The following GSK3B variants were observed in gnomAD, a reference collection of about 807,000 sequenced individuals.
GSK3B encodes glycogen synthase kinase 3 beta, also known as glycogen synthase kinase-3 beta.
A neutral mutation model predicts 56.4 loss-of-function variants in GSK3B; 15 were observed. That is an observed-to-expected ratio of 0.27 (90% CI 0.18 to 0.41). The LOEUF is 0.41. Ranked by LOEUF, GSK3B falls within the 10% of genes least tolerant of loss-of-function variation. The pLI, the probability that GSK3B is intolerant of heterozygous loss-of-function variation, is 1.00. For missense variants in GSK3B, 300 were observed against 513.4 expected (o/e 0.58, Z 4.02); for synonymous variants, 181 against 188.9 (o/e 0.96, Z 0.34).
intron 1 of GSK3B, among the ~76,000 whole-genome samples, chr3:120,021,686 A>AC (rs2057879740): frequency 6.6e-6 from 1 of 152,184 alleles, no homozygotes; most frequent in Non-Finnish European, 1.5e-5. Context: ...TGAAGATGTG[A>AC]CTGAACTGCT....
At chr3:119,961,039 C>T (rs2057266797) in intron 2 of GSK3B, among the ~76,000 whole-genome samples, 1 of 152,070 alleles carries the variant, frequency 6.6e-6, no homozygotes, top group South Asian at 2.1e-4. Flanking sequence ...AGTGTCACTA[C>T]CAGTCAGAAA....
intron 1 of GSK3B, among the ~76,000 whole-genome samples, chr3:120,092,695 T>C (rs990912532): frequency 6.6e-6 from 1 of 152,216 alleles, no homozygotes; most frequent in South Asian, 2.1e-4. Context: ...TGAACACAAA[T>C]GCATACAGAG....
At chr3:119,930,331 A>G (rs896987131) in intron 3 of GSK3B, among the ~76,000 whole-genome samples, 7 of 152,168 alleles carry the variant, frequency 4.6e-5, no homozygotes, top group African/African-American at 1.7e-4. Flanking sequence ...GTGTGAAGCC[A>G]AATTGTGTAA....
intron 1 of GSK3B, among the ~76,000 whole-genome samples, chr3:120,022,880 G>A (rs2057891376): frequency 6.6e-6 from 1 of 152,222 alleles, no homozygotes; most frequent in Non-Finnish European, 1.5e-5. Flanking sequence ...CCTCTTATTG[G>A]TGGGTCATGG....
intron 1 of GSK3B, among the ~76,000 whole-genome samples, chr3:120,066,476 C>T (rs1162576953): frequency 2.0e-5 from 3 of 152,094 alleles, no homozygotes; most frequent in South Asian, 2.1e-4. Context: ...ATACTCAAAA[C>T]TGGGGGTTCA....
intron 1 of GSK3B, among the ~76,000 whole-genome samples, chr3:120,020,989 A>G (rs1476828312): frequency 1.3e-5 from 2 of 152,192 alleles, no homozygotes; most frequent in Non-Finnish European, 1.5e-5. Flanking sequence ...CCTAAACCAG[A>G]GCAAGGCCGG....
chr3:120,076,887 C>T lies in GSK3B; in HGVS notation c.88+16460G>A, dbSNP rs990161306. Among the ~76,000 whole-genome samples the T allele has an allele frequency of 2.8e-5, 4 of 144,790 alleles. No homozygotes were observed. The East Asian group carries it at 8.0e-4, about 29-fold the overall frequency. 95.0% of individuals were successfully genotyped at this position (144,790 alleles called of 152,430 possible). A position where few individuals can be genotyped will look rare whatever the true frequency, so the allele number is the denominator to read the frequency against. ...ATTTCCCTAAAGGTGACCTAAAAAA[C>T]GGCCAACAGGTATATGAAAAGGTGC... On this transcript the variant is annotated intron_variant, in intron 1 of 10. Coordinates refer to ENST00000264235, the MANE Select transcript of GSK3B (RefSeq NM_001146156.2).
chr3:120,007,796 C>T (rs553108821), intron 1 of GSK3B, among the ~76,000 whole-genome samples: 54 of 152,290 alleles, frequency 3.5e-4, no homozygotes, highest in Middle Eastern at 6.8e-3. Context: ...TTATGACAAA[C>T]CAACAGCCAA....
chr3:120,087,915 CAG>C (rs1376395095), intron 1 of GSK3B, among the ~76,000 whole-genome samples: 2 of 151,522 alleles, frequency 1.3e-5, no homozygotes, highest in Non-Finnish European at 1.5e-5. Context: ...TTTTTTGAGA[CAG>C]AGTCTCTCTC....
intron 1 of GSK3B, among the ~76,000 whole-genome samples, chr3:120,092,308 T>C (rs574093484): frequency 6.6e-6 from 1 of 152,252 alleles, no homozygotes; most frequent in Admixed American, 6.5e-5. Flanking sequence ...AATATCCCTA[T>C]TATTTCTAGG....
At chr3:119,913,437 T>A (rs1339859679) in intron 5 of GSK3B, among the ~76,000 whole-genome samples, 1 of 152,076 alleles carries the variant, frequency 6.6e-6, no homozygotes, top group African/African-American at 2.4e-5. Context: ...TATAATTGCA[T>A]GTTTTCTTAT....
chr3:119,989,703 C>A (rs2057546635), intron 2 of GSK3B, among the ~76,000 whole-genome samples: 1 of 151,892 alleles, frequency 6.6e-6, no homozygotes, highest in South Asian at 2.1e-4. Flanking sequence ...CAAACAGATT[C>A]TTGGTTTGGA....
chr3:119,920,505 A>C (rs1408119558), intron 4 of GSK3B, among the ~76,000 whole-genome samples: 1 of 152,166 alleles, frequency 6.6e-6, no homozygotes, highest in Non-Finnish European at 1.5e-5. Flanking sequence ...CAGCCTCCCA[A>C]AATGCTGGAT....
chr3:120,086,562 C>G (rs1384097568), intron 1 of GSK3B, among the ~76,000 whole-genome samples: 2 of 152,112 alleles, frequency 1.3e-5, no homozygotes, highest in Non-Finnish European at 1.5e-5. Context: ...CTGTGGGAGG[C>G]TGAGGCAGGA....
At chr3:119,921,467 G>A (rs1343419564) in intron 4 of GSK3B, among the ~76,000 whole-genome samples, 1 of 152,092 alleles carries the variant, frequency 6.6e-6, no homozygotes, top group African/African-American at 2.4e-5. Flanking sequence ...CAAATGAAGT[G>A]GTCCTGACTC....
chr3:119,879,258 G>A (rs1009574841), intron 7 of GSK3B, among the ~76,000 whole-genome samples: 5 of 152,124 alleles, frequency 3.3e-5, no homozygotes, highest in Non-Finnish European at 7.4e-5. Context: ...TCAGCTCACT[G>A]CAAGCTCCGG....
At chr3:119,828,610 G>A (rs1030469342) in intron 10 of GSK3B, among the ~76,000 whole-genome samples, 1 of 152,202 alleles carries the variant, frequency 6.6e-6, no homozygotes, top group Non-Finnish European at 1.5e-5. Flanking sequence ...TGAATGCAAC[G>A]TTTGGTCCTG....
chr3:120,093,514 C>A lies in GSK3B; in HGVS notation c.-80G>T, dbSNP rs149781877. On this transcript the variant is annotated 5_prime_UTR_variant, in exon 1 of 11. Coordinates refer to ENST00000264235, the MANE Select transcript of GSK3B (RefSeq NM_001146156.2). ...TCTTTATGTTGGGGTGTTAGGTTAACGATAAATGCAGCATTAAGTTCTCCC... is the reference window on the plus strand; with the variant it reads ...TCTTTATGTTGGGGTGTTAGGTTAAAGATAAATGCAGCATTAAGTTCTCCC... 8 of 886,302 alleles carry A rather than the reference C, an allele frequency of 9.0e-6. No homozygotes were observed. The highest frequency in any genetic ancestry group is 2.2e-4 in the Middle Eastern group (1 of 4,538). 54.9% of individuals were successfully genotyped at this position (886,302 alleles called of 1,614,324 possible).
At chr3:119,872,003 T>C (rs1446861269) in intron 8 of GSK3B, among the ~76,000 whole-genome samples, 1 of 152,148 alleles carries the variant, frequency 6.6e-6, no homozygotes, top group Non-Finnish European at 1.5e-5. Flanking sequence ...GGATTGTTTA[T>C]TACTAGGATA....
Sources: gnomAD v4.1 joint callset for allele counts (sites outside exome capture counted in the v4.1 genomes callset) on GRCh38, gnomAD v4.1.1 for gene constraint, MANE v1.5 for transcripts, NCBI Gene and HGNC (gene_info 2026-07-23, HGNC 2026-07-21) for gene names.